Variants in SMOC2 observed in about 807,000 individuals in gnomAD.
The protein encoded by SMOC2 is SPARC-related modular calcium-binding protein 2.
In SMOC2, 39 loss-of-function variants were observed where a neutral mutation model predicts 61.4. The observed-to-expected ratio is 0.64, with a 90% CI of 0.49 to 0.83. The LOEUF is 0.83. Among genes scored for constraint, SMOC2 ranks in the 40% least tolerant of loss-of-function variants. The pLI is 0.00. For synonymous variants in SMOC2, 247 were observed against 239.9 expected (o/e 1.03, Z -0.27); for missense variants, 556 against 592.9 (o/e 0.94, Z 0.65).
chr6:168,552,026 G>C (rs995496592), intron 7 of SMOC2, among the ~76,000 whole-genome samples: 14 of 152,206 alleles, frequency 9.2e-5, no homozygotes, highest in African/African-American at 3.1e-4. Context: ...AGTCAGCCGA[G>C]ATGAGTGGAG....
intron 7 of SMOC2, among the ~76,000 whole-genome samples, chr6:168,591,625 ATAAT>A (rs1336621434): frequency 6.7e-6 from 1 of 148,898 alleles, no homozygotes; most frequent in Non-Finnish European, 1.5e-5. Context: ...AATATAATAT[ATAAT>A]TAATATAATA....
intron 9 of SMOC2, among the ~76,000 whole-genome samples, chr6:168,626,467 C>T (rs1419925637): frequency 6.6e-6 from 1 of 152,168 alleles, no homozygotes; most frequent in Non-Finnish European, 1.5e-5. Flanking sequence ...ATGAAGAAAT[C>T]AGAATCCATG....
At position 168,509,974 on chromosome 6, in the gene SMOC2, C is replaced by T. The variant is rs752217187; in HGVS notation, c.144C>T (p.Pro48=). The T allele has an allele frequency of 6.8e-6, 11 of 1,614,144 alleles. No homozygotes were observed. The highest frequency in any genetic ancestry group is 1.7e-5 in the Admixed American group (1 of 60,020). The part of the protein sequence containing the change: ...KDCSLDCAGS[P]QKPLCASDGR... ...GTAGCTTGGACTGTGCGGGTTCGCC[C>T]CAGAAACCTCTCTGCGCATCTGACG... Residue 48 remains proline, a synonymous_variant, in exon 2 of 13, where the codon CCC becomes CCT. Coordinates refer to ENST00000356284, the MANE Select transcript of SMOC2 (RefSeq NM_001166412.2).
At chr6:168,636,178 G>A (rs1333321492) in intron 9 of SMOC2, among the ~76,000 whole-genome samples, 7 of 152,168 alleles carry the variant, frequency 4.6e-5, no homozygotes, top group Admixed American at 4.6e-4. Context: ...GTGATTCAGT[G>A]GTTCTAATGC....
rs576780600 is a variant in SMOC2, at chr6:168,487,340, AGGGTGAT to A, written c.85-22571_85-22565del. Among the ~76,000 whole-genome samples the A allele has an allele frequency of 7.1e-3, 1,075 of 152,286 alleles. 10 individuals are homozygous for A. Among genetic ancestry groups the A allele is most frequent in the African/African-American group, 0.025 (1,032 of 41,550 alleles). On this transcript the variant is annotated intron_variant, in intron 1 of 12. Coordinates refer to ENST00000356284, the MANE Select transcript of SMOC2 (RefSeq NM_001166412.2). ...TAGTCAACTTGATTGACTACTCGTC[AGGGTGAT>A]GGGCAAGGCAGTCTTTATTTCAGAA...
intron 2 of SMOC2, among the ~76,000 whole-genome samples, chr6:168,513,300 C>T (rs529033308): frequency 6.6e-6 from 1 of 151,696 alleles, no homozygotes; most frequent in Non-Finnish European, 1.5e-5. Flanking sequence ...ATCTAACGTA[C>T]CTGAAGTTCT....
At chr6:168,527,860 G>A in intron 4 of SMOC2, 133 bp downstream of exon 4, 1 of 670,104 alleles carries the variant, frequency 1.5e-6, no homozygotes, top group Non-Finnish European at 2.7e-6. Flanking sequence ...GCCACAGTGG[G>A]AATAGATCTC....
intron 9 of SMOC2, among the ~76,000 whole-genome samples, chr6:168,620,762 A>T (rs1408355940): frequency 6.6e-6 from 1 of 152,172 alleles, no homozygotes; most frequent in Non-Finnish European, 1.5e-5. Context: ...GACAGGGAAA[A>T]TCCAATTATC....
intron 1 of SMOC2, among the ~76,000 whole-genome samples, chr6:168,487,508 CTTTT>C (rs1227631685): frequency 3.9e-5 from 6 of 152,008 alleles, no homozygotes; most frequent in African/African-American, 7.2e-5. Context: ...TAAAAATTAC[CTTTT>C]TTCTTTTTTT....
intron 1 of SMOC2, among the ~76,000 whole-genome samples, chr6:168,497,502 C>CCT (rs71008011): frequency 0.21 from 32,077 of 151,956 alleles, 4,161 homozygotes; most frequent in East Asian, 0.34. Context: ...TCTTGAGTGC[C>CCT]CTCTCTCCTC....
rs1344906211 is a variant in SMOC2, at chr6:168,544,364, ACTTTT to A, written c.511+700_511+704del. Among the ~76,000 whole-genome samples, 2 of 152,202 alleles carry A rather than the reference ACTTTT, an allele frequency of 1.3e-5. No homozygotes were observed. Among genetic ancestry groups the A allele is most frequent in the Admixed American group, 6.5e-5 (1 of 15,268 alleles). On this transcript the variant is annotated intron_variant, in intron 5 of 12. Coordinates refer to ENST00000356284, the MANE Select transcript of SMOC2 (RefSeq NM_001166412.2). The surrounding 1 kb of genome is among the most constrained non-coding windows in gnomAD (Gnocchi z 4.1). ...ATACTTTAGTACCAAAATTTTAGGTACTTTTCTTTTCTAGTGTAGGTTACAGTGTA... is the reference window on the plus strand; with the variant it reads ...ATACTTTAGTACCAAAATTTTAGGTACTTTTCTAGTGTAGGTTACAGTGTA...
At chr6:168,603,391 C>T (rs1440000191) in intron 8 of SMOC2, among the ~76,000 whole-genome samples, 1 of 151,936 alleles carries the variant, frequency 6.6e-6, no homozygotes, top group Non-Finnish European at 1.5e-5. Context: ...CGGGTCCACT[C>T]ACAATGGGGT....
At chr6:168,595,968 A>G (rs1583143463) in intron 7 of SMOC2, among the ~76,000 whole-genome samples, 1 of 152,376 alleles carries the variant, frequency 6.6e-6, no homozygotes, top group East Asian at 1.9e-4. Context: ...TCTGTGCACT[A>G]ATAAAATTTC....
chr6:168,642,173 C>T (rs191322855), intron 9 of SMOC2, among the ~76,000 whole-genome samples: 3 of 152,238 alleles, frequency 2.0e-5, no homozygotes, highest in East Asian at 3.9e-4. Flanking sequence ...CCGCCCAAGC[C>T]GGAGTGGGCT....
chr6:168,518,305 AGAG>A (rs1783196269), intron 2 of SMOC2, among the ~76,000 whole-genome samples: 1 of 150,740 alleles, frequency 6.6e-6, no homozygotes, highest in East Asian at 2.0e-4. Context: ...TGAATGTGTG[AGAG>A]GGCGTTTCTG....
chr6:168,655,235 G>A (rs1263682622), intron 11 of SMOC2, among the ~76,000 whole-genome samples: 3 of 151,980 alleles, frequency 2.0e-5, no homozygotes, highest in Admixed American at 6.6e-5. Flanking sequence ...CCAGATGTTA[G>A]GAACTCACCA....
At chr6:168,529,311 C>T (rs943470595) in intron 4 of SMOC2, among the ~76,000 whole-genome samples, 10 of 152,152 alleles carry the variant, frequency 6.6e-5, no homozygotes, top group Non-Finnish European at 4.4e-5. Flanking sequence ...TTGGGCAGCC[C>T]ATGCGCTGGG....
chr6:168,513,794 G>T (rs986052488), intron 2 of SMOC2, among the ~76,000 whole-genome samples: 2 of 152,204 alleles, frequency 1.3e-5, no homozygotes, highest in African/African-American at 4.8e-5. Flanking sequence ...AGCACTGGGT[G>T]CCCCAGAACT....
rs1249752213 is a variant in SMOC2, at chr6:168,449,356, T to C, written c.84+7902T>C. Among the ~76,000 whole-genome samples the C allele has an allele frequency of 2.0e-5, 3 of 152,196 alleles. No individual in the cohort carries two copies. In the East Asian group the frequency reaches 5.8e-4, roughly 29 times the overall value. On this transcript the variant is annotated intron_variant, in intron 1 of 12. Transcript: ENST00000356284. Reference sequence around the variant, plus strand: ...CATTAGCAATCGAATTGAGGGAAAATGACTTCATAAAATATAGTCACCTTT... The same window carrying C: ...CATTAGCAATCGAATTGAGGGAAAACGACTTCATAAAATATAGTCACCTTT...
Sources: allele counts gnomAD v4.1 joint callset (sites outside exome capture counted in the v4.1 genomes callset), GRCh38; gene constraint gnomAD v4.1.1; non-coding constraint Gnocchi (gnomAD v3.1); transcripts MANE v1.5; gene names NCBI Gene and HGNC (gene_info 2026-07-23, HGNC 2026-07-21).